NTM: variants seen among roughly 807,000 people sequenced by gnomAD.
NTM encodes the protein IgLON family member 2.
Under a neutral mutation model 42.1 loss-of-function variants are expected in NTM, and 13 were observed. That is an observed-to-expected ratio of 0.31 (90% CI 0.20 to 0.49). NTM has a LOEUF of 0.49. NTM is among the 20% of genes least tolerant of loss of function. The probability of loss-of-function intolerance (pLI) is 0.99; values close to 1 mark genes in which losing one functional copy is unlikely to be tolerated. For synonymous variants in NTM, 187 were observed against 179.2 expected (o/e 1.04, Z -0.35); for missense variants, 373 against 452.8 (o/e 0.82, Z 1.60).
rs142973084 is a variant in NTM, at chr11:131,940,615, C to A, written c.167+28967C>A. Among the ~76,000 whole-genome samples the A allele has an allele frequency of 9.9e-5, 15 of 152,284 alleles. No homozygotes were observed. In the East Asian group the frequency reaches 1.5e-3, roughly 16 times the overall value. ...TACCTTACAAATGATTGTCCCAAAG[C>A]GTTCAGTAATGTTTTCTTATTTTAT... On this transcript the variant is annotated intron_variant, in intron 2 of 8. Transcript: ENST00000683400.
rs186655996 is a variant in NTM, at chr11:132,020,962, A to G, written c.167+109314A>G. 1.2e-3 allele frequency among the ~76,000 whole-genome samples: 177 copies of G among 152,074 alleles called. 1 individual carries two copies. Among genetic ancestry groups the G allele is most frequent in the African/African-American group, 4.1e-3 (171 of 41,510 alleles). On this transcript the variant is annotated intron_variant, in intron 2 of 8. Coordinates refer to ENST00000683400, the MANE Select transcript of NTM (RefSeq NM_001352005.2). Reference sequence around the variant, plus strand: ...TTTTAATCAAATTTGGGAAGTTTTCACTATTATTCATTGAGTGTATTTTTT... The same window carrying G: ...TTTTAATCAAATTTGGGAAGTTTTCGCTATTATTCATTGAGTGTATTTTTT...
intron 1 of NTM, among the ~76,000 whole-genome samples, chr11:131,407,542 GA>G (rs2135728339): frequency 6.6e-6 from 1 of 152,324 alleles, no homozygotes; most frequent in South Asian, 2.1e-4. Context: ...TCAGCCAGGG[GA>G]GGAGGAGGCT....
intron 1 of NTM, among the ~76,000 whole-genome samples, chr11:131,533,167 TA>T (rs2051561967): frequency 6.6e-6 from 1 of 152,142 alleles, no homozygotes; most frequent in South Asian, 2.1e-4. Flanking sequence ...CCAAAAGTAA[TA>T]AAACTCATAG....
intron 4 of NTM, among the ~76,000 whole-genome samples, chr11:132,259,711 A>G (rs909644612): frequency 1.3e-5 from 2 of 151,988 alleles, no homozygotes; most frequent in Non-Finnish European, 1.5e-5. Context: ...TTGATCACCA[A>G]TAAATCAACT....
At chr11:132,327,268 C>A (rs1165519647) in intron 7 of NTM, among the ~76,000 whole-genome samples, 1 of 152,206 alleles carries the variant, frequency 6.6e-6, no homozygotes, top group African/African-American at 2.4e-5. Flanking sequence ...CTTTTATCTC[C>A]TGGGCATTAA....
intron 1 of NTM, among the ~76,000 whole-genome samples, chr11:131,570,399 A>G (rs901117355): frequency 3.9e-5 from 6 of 152,218 alleles, no homozygotes; most frequent in African/African-American, 1.2e-4. Context: ...AAATCCTAAA[A>G]TTTTCTAAAA....
chr11:131,897,629 A>G (rs1177896301), intron 1 of NTM, among the ~76,000 whole-genome samples: 1 of 152,232 alleles, frequency 6.6e-6, no homozygotes, highest in Non-Finnish European at 1.5e-5. Flanking sequence ...CGAGTAGAGC[A>G]AATATAAAGG....
chr11:132,245,459 G>A (rs115057903), intron 4 of NTM, among the ~76,000 whole-genome samples: 25 of 152,246 alleles, frequency 1.6e-4, no homozygotes, highest in African/African-American at 6.0e-4. Context: ...GTGCACCGGG[G>A]AGGCTGGTTG....
At chr11:131,406,545 T>C (rs562104246) in intron 1 of NTM, among the ~76,000 whole-genome samples, 1 of 152,336 alleles carries the variant, frequency 6.6e-6, no homozygotes, top group East Asian at 1.9e-4. Context: ...CACCAAAACC[T>C]ATATATGCTA....
chr11:131,756,496 C>T (rs1753682128), intron 1 of NTM, among the ~76,000 whole-genome samples: 1 of 151,440 alleles, frequency 6.6e-6, no homozygotes, highest in South Asian at 2.1e-4. Flanking sequence ...TGCACTCCAG[C>T]CTGGGCAACA....
intron 3 of NTM, among the ~76,000 whole-genome samples, chr11:132,196,497 T>G (rs182754182): frequency 6.6e-6 from 1 of 152,298 alleles, no homozygotes; most frequent in East Asian, 1.9e-4. Context: ...ACTCATATGT[T>G]TATTGCGGCA....
At chr11:131,448,743 CTG>C (rs1400720064) in intron 1 of NTM, among the ~76,000 whole-genome samples, 1 of 152,228 alleles carries the variant, frequency 6.6e-6, no homozygotes, top group Non-Finnish European at 1.5e-5. Flanking sequence ...TCCAGCCTCT[CTG>C]TCTAGGGCTG....
chr11:132,021,268 T>A (rs2074285297), intron 2 of NTM, among the ~76,000 whole-genome samples: 1 of 152,174 alleles, frequency 6.6e-6, no homozygotes, highest in Non-Finnish European at 1.5e-5. Flanking sequence ...CATATGGATT[T>A]TTTTGTTGTC....
At chr11:132,134,706 T>G (rs2067451822) in intron 2 of NTM, among the ~76,000 whole-genome samples, 1 of 2,922 alleles carries the variant, frequency 3.4e-4, no homozygotes, top group African/African-American at 3.3e-3. Flanking sequence ...TATTCCATGG[T>G]ATATATATAT....
In NTM at chr11:131,582,831, C is replaced by A. The variant is rs957353425; in HGVS notation, c.82+211943C>A. On this transcript the variant is annotated intron_variant, in intron 1 of 8. Transcript: ENST00000683400. ...CCCAGCCCCTTCTGAGATTTACTGG[C>A]GTTTGGGGTAATGCCATCGCAGCAG... Among the ~76,000 whole-genome samples the A allele has an allele frequency of 2.0e-5, 3 of 152,116 alleles. No individual in the cohort carries two copies. In the Middle Eastern group the frequency reaches 0.01, roughly 521 times the overall value.
intron 1 of NTM, among the ~76,000 whole-genome samples, chr11:131,505,053 G>A (rs56404871): frequency 0.098 from 14,906 of 152,082 alleles, 945 homozygotes; most frequent in African/African-American, 0.18. Flanking sequence ...GGAAAGAGGT[G>A]TGGTCTCAGA....
intron 1 of NTM, among the ~76,000 whole-genome samples, chr11:131,736,676 A>G (rs182845500): frequency 5.0e-4 from 76 of 152,188 alleles, no homozygotes; most frequent in African/African-American, 1.7e-3. Context: ...AGCCAAGGAC[A>G]CAATAAGAGA....
chr11:132,317,817 A>AGGAG, intron 7 of NTM: 1 of 455,260 alleles, frequency 2.2e-6, no homozygotes, highest in Non-Finnish European at 4.0e-6. Context: ...AGGCTATTGA[A>AGGAG]GGAGGTGATT....
intron 1 of NTM, among the ~76,000 whole-genome samples, chr11:131,428,408 T>C (rs2135890146): frequency 6.6e-6 from 1 of 152,340 alleles, no homozygotes; most frequent in South Asian, 2.1e-4. Flanking sequence ...TCTTGATTTA[T>C]CTACATATAT....
Sources: allele counts gnomAD v4.1 joint callset (sites outside exome capture counted in the v4.1 genomes callset), GRCh38; gene constraint gnomAD v4.1.1; transcripts MANE v1.5; gene names NCBI Gene and HGNC (gene_info 2026-07-23, HGNC 2026-07-21).